The following MSH3 variants were observed in gnomAD, a reference collection of about 807,000 sequenced individuals.
The protein encoded by MSH3 is mutS homolog 3, also known as DNA mismatch repair protein Msh3.
MSH3 carries 106 observed loss-of-function variants against 123.3 expected under a neutral mutation model. The ratio of observed to expected loss-of-function variants is 0.86; its 90% CI spans 0.73 to 1.01. The LOEUF is 1.01. Among genes scored for constraint, MSH3 ranks in the 50% least tolerant of loss-of-function variants. The pLI is 0.00. For missense variants in MSH3, 1,459 were observed against 1,347.6 expected (o/e 1.08, Z -1.29); for synonymous variants, 515 against 481.4 (o/e 1.07, Z -0.91).
chr5:80,784,370 T>C (rs762947381), intron 17 of MSH3, among the ~76,000 whole-genome samples: 1 of 151,908 alleles, frequency 6.6e-6, no homozygotes, highest in Non-Finnish European at 1.5e-5. Context: ...CAATGCAACA[T>C]GTGGCATCTT....
At chr5:80,762,591 T>C (rs908438094) in intron 13 of MSH3, among the ~76,000 whole-genome samples, 2 of 151,774 alleles carry the variant, frequency 1.3e-5, no homozygotes, top group African/African-American at 4.8e-5. Context: ...TTGGATGCTA[T>C]CATGTTTGAT....
intron 19 of MSH3, among the ~76,000 whole-genome samples, chr5:80,802,794 A>G (rs1744815311): frequency 6.6e-6 from 1 of 152,192 alleles, no homozygotes; most frequent in African/African-American, 2.4e-5. Context: ...TTTAATTTTC[A>G]GTTCCCACAA....
rs1744131032 is a variant in MSH3, at chr5:80,766,727, C to T, written c.1897-1206C>T. Among the ~76,000 whole-genome samples the T allele has an allele frequency of 1.3e-5, 2 of 151,680 alleles. 1 individual carries two copies. Among genetic ancestry groups the T allele is most frequent in the South Asian group, 4.2e-4 (2 of 4,808 alleles). ...TGCATGTGTTTAACTCACTGTTTAC[C>T]AGAAGCTATGATATAAAAATTATTC... On this transcript the variant is annotated intron_variant, in intron 13 of 23. Transcript: ENST00000265081.
chr5:80,839,130 G>T (rs1745569838), intron 20 of MSH3, among the ~76,000 whole-genome samples: 1 of 152,148 alleles, frequency 6.6e-6, no homozygotes, highest in South Asian at 2.1e-4. Context: ...ACTTTGAGAG[G>T]CTGAGGCAGG....
chr5:80,866,052 C>T (rs970733882), intron 22 of MSH3, among the ~76,000 whole-genome samples: 3 of 152,180 alleles, frequency 2.0e-5, no homozygotes, highest in African/African-American at 4.8e-5. Flanking sequence ...GAGTCAGTGC[C>T]GCTAATACGC....
chr5:80,734,322 G>A (rs754115123), intron 10 of MSH3, among the ~76,000 whole-genome samples: 8 of 152,176 alleles, frequency 5.3e-5, no homozygotes, highest in African/African-American at 2.4e-5. Context: ...GAGAGTGATT[G>A]CTAATGAGTA....
chr5:80,725,530 C>A lies in MSH3; in HGVS notation c.1418C>A (p.Thr473Lys). ...TACAGCCATGCTTTCCAGGCAGTTA[C>A]AGAGTTTTATGCAAAAGATACAGTT... ...FEYSHAFQAV[T>K]EFYAKDTVDI... The change falls in exon 9 of 24, where the codon ACA becomes AAA. Residue 473 changes from threonine to lysine, a missense_variant. Physicochemically the swap from Thr to Lys is moderately conservative, Grantham distance 78. Transcript: ENST00000265081. 6.2e-7 allele frequency: 1 copy of A among 1,613,838 alleles called. No individual in the cohort carries two copies. Among genetic ancestry groups the A allele is most frequent in the Non-Finnish European group, 8.5e-7 (1 of 1,179,846 alleles).
chr5:80,786,055 G>A (rs1014210523), intron 17 of MSH3, among the ~76,000 whole-genome samples: 16 of 152,052 alleles, frequency 1.1e-4, no homozygotes, highest in South Asian at 2.1e-4. Context: ...TGACGAGTTA[G>A]TGGGTGCAGC....
intron 2 of MSH3, among the ~76,000 whole-genome samples, chr5:80,661,894 T>C (rs922427847): frequency 1.3e-5 from 2 of 152,122 alleles, no homozygotes; most frequent in African/African-American, 2.4e-5. Context: ...GCCCTTACTC[T>C]AGAGCAACTT....
intron 19 of MSH3, among the ~76,000 whole-genome samples, chr5:80,798,155 A>G (rs763729619): frequency 2.6e-5 from 4 of 152,112 alleles, no homozygotes; most frequent in Non-Finnish European, 5.9e-5. Flanking sequence ...CCCAGGAAGC[A>G]CTCGAACCCT....
intron 23 of MSH3, among the ~76,000 whole-genome samples, chr5:80,875,229 A>G (rs1272197684): frequency 6.6e-6 from 1 of 152,178 alleles, no homozygotes; most frequent in Non-Finnish European, 1.5e-5. Flanking sequence ...CCAGAGTCAC[A>G]CAGCTACTTG....
At chr5:80,750,019 C>T (rs1743804250) in intron 12 of MSH3, among the ~76,000 whole-genome samples, 2 of 149,542 alleles carry the variant, frequency 1.3e-5, no homozygotes, top group Non-Finnish European at 3.0e-5. Flanking sequence ...CTAGGTTCAT[C>T]CATATTGTCA....
intron 8 of MSH3, among the ~76,000 whole-genome samples, chr5:80,707,122 G>A (rs1750744100): frequency 6.6e-6 from 1 of 152,246 alleles, no homozygotes; most frequent in African/African-American, 2.4e-5. Flanking sequence ...CATAAGTGGA[G>A]TCAGTACAGT....
At chr5:80,789,368 C>CTT (rs554381029) in intron 18 of MSH3, among the ~76,000 whole-genome samples, 20 of 139,118 alleles carry the variant, frequency 1.4e-4, no homozygotes, top group South Asian at 2.3e-4. Flanking sequence ...ACTGTAGTCA[C>CTT]TTTTTTTTTT....
At chr5:80,839,187 C>G (rs1006458673) in intron 20 of MSH3, among the ~76,000 whole-genome samples, 1 of 152,128 alleles carries the variant, frequency 6.6e-6, no homozygotes, top group Admixed American at 6.5e-5. Flanking sequence ...GCCAACATAC[C>G]GAAACCCCAT....
chr5:80,858,828 G>T (rs553296818), intron 21 of MSH3, among the ~76,000 whole-genome samples: 2 of 152,106 alleles, frequency 1.3e-5, no homozygotes, highest in South Asian at 4.2e-4. Context: ...ATAGTAGTAT[G>T]TTCATCTGTT....
Position 80,756,358 on chromosome 5 carries a change from G to A in MSH3, c.1764-5188G>A, listed in dbSNP as rs1743925459. On this transcript the variant is annotated intron_variant, in intron 12 of 23. Coordinates refer to ENST00000265081, the MANE Select transcript of MSH3 (RefSeq NM_002439.5). Reference sequence around the variant, plus strand: ...ATTACCTAGAATGCAGCACAGGGTGGCAATGTCAGGCCTTCAGTGTTTCTT... The same window carrying A: ...ATTACCTAGAATGCAGCACAGGGTGACAATGTCAGGCCTTCAGTGTTTCTT... Among the ~76,000 whole-genome samples, 4 of 152,158 alleles carry A rather than the reference G, an allele frequency of 2.6e-5. No individual in the cohort carries two copies. The South Asian group carries it at 8.3e-4, about 32-fold the overall frequency.
intron 20 of MSH3, among the ~76,000 whole-genome samples, chr5:80,824,038 C>T (rs1419236468): frequency 2.0e-5 from 3 of 152,212 alleles, no homozygotes; most frequent in African/African-American, 7.2e-5. Flanking sequence ...AACAGCATCC[C>T]AAGGCAGAAG....
chr5:80,817,703 A>G (rs1261296599), intron 20 of MSH3, among the ~76,000 whole-genome samples: 2 of 152,184 alleles, frequency 1.3e-5, no homozygotes, highest in African/African-American at 4.8e-5. Flanking sequence ...ATCTTTTCAA[A>G]TAGGTAACGG....
Sources: gnomAD v4.1 joint callset for allele counts (sites outside exome capture counted in the v4.1 genomes callset) on GRCh38, gnomAD v4.1.1 for gene constraint, MANE v1.5 for transcripts, NCBI Gene and HGNC (gene_info 2026-07-23, HGNC 2026-07-21) for gene names.